CDK5RAP2: variants seen among roughly 807,000 people sequenced by gnomAD.
CDK5RAP2 encodes CDK5 regulatory subunit-associated protein 2.
CDK5RAP2 carries 147 observed loss-of-function variants against 232.9 expected under a neutral mutation model. The ratio of observed to expected loss-of-function variants is 0.63; its 90% CI spans 0.55 to 0.72. CDK5RAP2 has a LOEUF of 0.72. CDK5RAP2 is among the 30% of genes least tolerant of loss of function. The pLI is 0.00. For synonymous variants in CDK5RAP2, 833 were observed against 833.7 expected (o/e 1.00, Z 0.01); for missense variants, 2,195 against 2,231.5 (o/e 0.98, Z 0.33).
chr9:120,487,380 C>G lies in CDK5RAP2; in HGVS notation c.1540G>C (p.Glu514Gln). The part of the protein sequence containing the change: ...IQQNCYLMAA[E>Q]DLELRSEGLI... Reference sequence around the variant, plus strand: ...CCTTCACTCCTGAGCTCAAGATCCTCTGCAGCCATTAAATAGCAGTTCTGC... The same window carrying G: ...CCTTCACTCCTGAGCTCAAGATCCTGTGCAGCCATTAAATAGCAGTTCTGC... The change falls in exon 14 of 38, where the codon GAG becomes CAG. Residue 514 changes from glutamate (E) to glutamine (Q), a missense_variant. By Grantham distance (29) the Glu-to-Gln change is conservative. Transcript: ENST00000349780. 6.2e-7 allele frequency: 1 copy of G among 1,613,902 alleles called. No homozygotes were observed. Among genetic ancestry groups the G allele is most frequent in the Non-Finnish European group, 8.5e-7 (1 of 1,179,932 alleles).
intron 35 of CDK5RAP2, among the ~76,000 whole-genome samples, chr9:120,395,002 T>C (rs1365876604): frequency 1.3e-5 from 2 of 152,222 alleles, no homozygotes; most frequent in African/African-American, 4.8e-5. Context: ...TACAAGGATG[T>C]TCGTCTCAGC....
intron 5 of CDK5RAP2, among the ~76,000 whole-genome samples, chr9:120,542,585 A>G (rs539940067): frequency 1.3e-5 from 2 of 152,348 alleles, no homozygotes; most frequent in South Asian, 4.1e-4. Context: ...GTATATACAA[A>G]TATACAATTA....
chr9:120,545,338 T>A (rs151126568), intron 5 of CDK5RAP2, among the ~76,000 whole-genome samples: 4 of 152,202 alleles, frequency 2.6e-5, no homozygotes, highest in Admixed American at 2.6e-4. Context: ...ATTCCTTTTA[T>A]ATAAAGTTTA....
Position 120,535,393 on chromosome 9 carries a change from A to T in CDK5RAP2, c.662+979T>A, listed in dbSNP as rs866795528. 3.3e-5 allele frequency among the ~76,000 whole-genome samples: 5 copies of T among 152,384 alleles called. No individual in the cohort carries two copies. The South Asian group carries it at 1.0e-3, about 32-fold the overall frequency. ...AAGTAAAAGCAGACAAGAGTTGAGG[A>T]ACCCGGCAGTTAGGCCAAGCACCTA... On this transcript the variant is annotated intron_variant, in intron 7 of 37. Coordinates refer to ENST00000349780, the MANE Select transcript of CDK5RAP2 (RefSeq NM_018249.6).
rs752402305 is a variant in CDK5RAP2, at chr9:120,407,185, T to C, written c.4790A>G (p.Glu1597Gly). 1.9e-6 allele frequency: 3 copies of C among 1,613,886 alleles called. No individual in the cohort carries two copies. The South Asian group carries it at 3.3e-5, about 18-fold the overall frequency. The change falls in exon 32 of 38, where the codon GAG becomes GGG. Residue 1597 changes from glutamate (E) to glycine (G), a missense_variant. By Grantham distance (98) the Glu-to-Gly change is moderately conservative. Transcript: ENST00000349780. Reference protein sequence around the residue: ...PFRDLHSLLMEIQALRLQLER... With the variant: ...PFRDLHSLLMGIQALRLQLER... Reference sequence around the variant, plus strand: ...TAGTTGCAAGCGCAGAGCCTGGATCTCCATCAGGAGGCTGTGCAGGTCCCT... The same window carrying C: ...TAGTTGCAAGCGCAGAGCCTGGATCCCCATCAGGAGGCTGTGCAGGTCCCT...
At chr9:120,389,967 C>A in intron 36 of CDK5RAP2, 180 bp from the exon 37 acceptor site, 1 of 647,926 alleles carries the variant, frequency 1.5e-6, no homozygotes. Context: ...ATCACAAACC[C>A]CAGGGCCAAA....
At chr9:120,503,253 A>G (rs774468582) in intron 12 of CDK5RAP2, among the ~76,000 whole-genome samples, 43 of 152,320 alleles carry the variant, frequency 2.8e-4, no homozygotes, top group Middle Eastern at 6.8e-3. Flanking sequence ...CCTGAGACTG[A>G]GGCCCTCCTT....
rs1326926076 is a variant in CDK5RAP2 at position 120,437,705 on chromosome 9, CCAA to C, written c.3723-181_3723-179del. 6.6e-5 allele frequency among the ~76,000 whole-genome samples: 10 copies of C among 152,274 alleles called. No individual in the cohort carries two copies. In the South Asian group the frequency reaches 1.5e-3, roughly 22 times the overall value. On this transcript the variant is annotated intron_variant, in intron 24 of 37. Coordinates refer to ENST00000349780, the MANE Select transcript of CDK5RAP2 (RefSeq NM_018249.6). ...TCAGCTCTTCTTTGATTTCACACAGCCAACAAAGGCTGGAACAAAGATTCTTCT... is the reference window on the plus strand; with the variant it reads ...TCAGCTCTTCTTTGATTTCACACAGCCAAAGGCTGGAACAAAGATTCTTCT...
At chr9:120,429,797 G>A (rs1356912106) in intron 25 of CDK5RAP2, among the ~76,000 whole-genome samples, 10 of 152,108 alleles carry the variant, frequency 6.6e-5, no homozygotes, top group Admixed American at 1.3e-4. Flanking sequence ...AGCCCGCATC[G>A]CCAAGTCAAT....
intron 12 of CDK5RAP2, among the ~76,000 whole-genome samples, chr9:120,503,138 G>A (rs556232892): frequency 7.4e-4 from 112 of 152,154 alleles, no homozygotes; most frequent in Non-Finnish European, 1.5e-3. Flanking sequence ...TAAGGCTAAA[G>A]AAAACATAAA....
chr9:120,450,553 TAGCAG>T (rs1186693659), intron 21 of CDK5RAP2, among the ~76,000 whole-genome samples: 3 of 152,108 alleles, frequency 2.0e-5, no homozygotes, highest in African/African-American at 7.2e-5. Flanking sequence ...AGTTTTTAAA[TAGCAG>T]AGGAGAAGGA....
intron 14 of CDK5RAP2, among the ~76,000 whole-genome samples, chr9:120,487,041 G>A (rs974254009): frequency 1.3e-5 from 2 of 152,200 alleles, no homozygotes; most frequent in African/African-American, 4.8e-5. Context: ...GGTGAGCCCT[G>A]ATAGAGCAAA....
chr9:120,432,415 T>C (rs1171551872), intron 25 of CDK5RAP2, among the ~76,000 whole-genome samples: 1 of 152,224 alleles, frequency 6.6e-6, no homozygotes, highest in African/African-American at 2.4e-5. Flanking sequence ...TAAACATGTA[T>C]TGCTTTGTAT....
chr9:120,527,834 G>A lies in CDK5RAP2; in HGVS notation c.971C>T (p.Thr324Ile), dbSNP rs2040972999. The change falls in exon 10 of 38, where the codon ACC becomes ATC. Residue 324 changes from threonine (T) to isoleucine (I), a missense_variant. Thr to Ile is a moderately conservative substitution (Grantham distance 89). Transcript: ENST00000349780. ...TTTTTCCTTTGATTTTAATGCCATG[G>A]TTAAACCCTGAATGGCTTTATCCCT... ...LKRDKAIQGL[T>I]MALKSKEKKV... The A allele has an allele frequency of 1.9e-6, 3 of 1,613,670 alleles. No homozygotes were observed. Among genetic ancestry groups the A allele is most frequent in the South Asian group, 1.1e-5 (1 of 91,070 alleles).
chr9:120,426,850 G>A (rs1371634559), intron 25 of CDK5RAP2, among the ~76,000 whole-genome samples: 1 of 152,164 alleles, frequency 6.6e-6, no homozygotes, highest in African/African-American at 2.4e-5. Flanking sequence ...GTTTCTTATT[G>A]CTACAGAGTC....
intron 22 of CDK5RAP2, among the ~76,000 whole-genome samples, chr9:120,444,149 C>A (rs1044648851): frequency 6.6e-6 from 1 of 152,256 alleles, no homozygotes; most frequent in Non-Finnish European, 1.5e-5. Flanking sequence ...CATGGTGGCT[C>A]ATGCCTATAA....
At chr9:120,548,262 C>CT (rs2041922141) in intron 4 of CDK5RAP2, among the ~76,000 whole-genome samples, 1 of 152,168 alleles carries the variant, frequency 6.6e-6, no homozygotes, top group Admixed American at 6.5e-5. Flanking sequence ...ACAGAGGATT[C>CT]TTTTTCCAGC....
chr9:120,555,758 T>C (rs1309614056), intron 3 of CDK5RAP2, among the ~76,000 whole-genome samples: 3 of 152,224 alleles, frequency 2.0e-5, no homozygotes, highest in South Asian at 2.1e-4. Flanking sequence ...TGTACATAAA[T>C]GTTTACTGCA....
rs763815264 is a variant in CDK5RAP2 at position 120,404,131 on chromosome 9, C to G, written c.4964-18G>C. 1 of 1,526,712 alleles carries G rather than the reference C, an allele frequency of 6.6e-7. No homozygotes were observed. Among genetic ancestry groups the G allele is most frequent in the African/African-American group, 1.4e-5 (1 of 73,030 alleles). The allele number at this position is 1,526,712 out of a possible 1,614,324, so 94.6% of individuals were successfully genotyped here. On this transcript the variant is annotated intron_variant, in intron 32 of 37. Transcript: ENST00000349780. The stretch of plus-strand genomic sequence containing the variant: ...GTCACCATCTACAAAATGCAAAACA[C>G]GAGAACTGTTAGTTTCACTGTTGTC...
Sources: gnomAD v4.1 joint callset for allele counts (sites outside exome capture counted in the v4.1 genomes callset) on GRCh38, gnomAD v4.1.1 for gene constraint, MANE v1.5 for transcripts, NCBI Gene and HGNC (gene_info 2026-07-23, HGNC 2026-07-21) for gene names.